The following TRPM6 variants were observed in gnomAD, a reference collection of about 807,000 sequenced individuals.
TRPM6 encodes the protein channel kinase 2.
Under a neutral mutation model 247.6 loss-of-function variants are expected in TRPM6, and 111 were observed. That is an observed-to-expected ratio of 0.45 (90% CI 0.38 to 0.52). The LOEUF (loss-of-function observed/expected upper bound fraction) is 0.52, where lower values mean the gene tolerates loss of function less well. TRPM6 is among the 20% of genes least tolerant of loss of function. The pLI is 0.00. For synonymous variants in TRPM6, 892 were observed against 853.8 expected, an observed-to-expected ratio of 1.04 and a Z score of -0.78; for missense variants, 2,126 against 2,421.5, an observed-to-expected ratio of 0.88 and a Z score of 2.56.
intron 1 of TRPM6, among the ~76,000 whole-genome samples, chr9:74,879,232 A>G (rs1054165727): frequency 2.6e-5 from 4 of 151,706 alleles, no homozygotes; most frequent in Non-Finnish European, 5.9e-5. Flanking sequence ...CAGAAAGAAT[A>G]TGAGCACCTG....
intron 36 of TRPM6, among the ~76,000 whole-genome samples, chr9:74,734,291 T>C (rs543336762): frequency 2.0e-5 from 3 of 152,352 alleles, no homozygotes; most frequent in East Asian, 3.9e-4. Context: ...TAAAATTATA[T>C]AAAATTTGTA....
At chr9:74,746,024 C>T (rs573526075) in intron 31 of TRPM6, among the ~76,000 whole-genome samples, 15 of 152,208 alleles carry the variant, frequency 9.9e-5, no homozygotes, top group Middle Eastern at 3.4e-3. Flanking sequence ...GAGCAGATCA[C>T]GAGGTCAGAA....
At chr9:74,886,942 A>G (rs1831549862) in intron 1 of TRPM6, among the ~76,000 whole-genome samples, 1 of 152,218 alleles carries the variant, frequency 6.6e-6, no homozygotes, top group African/African-American at 2.4e-5. Flanking sequence ...AGCTGCCTGG[A>G]CTATTCCTGA....
chr9:74,770,664 C>G (rs911222000), intron 25 of TRPM6, among the ~76,000 whole-genome samples: 2 of 152,114 alleles, frequency 1.3e-5, no homozygotes, highest in Admixed American at 1.3e-4. Context: ...TCTGCCTTCC[C>G]GTCTACTCTG....
In TRPM6 at chr9:74,873,776, A is replaced by C. The variant is rs545749739; in HGVS notation, c.33+14048T>G. Among the ~76,000 whole-genome samples, 851 of 152,188 alleles carry C rather than the reference A, an allele frequency of 5.6e-3. 5 individuals are homozygous for C. The highest frequency in any genetic ancestry group is 0.019 in the African/African-American group (780 of 41,558). Reference sequence around the variant, plus strand: ...AATTTTTAACTTTTTAACAGAAAAAAATCTTTTAATTTAAAAGATCTTAAA... The same window carrying C: ...AATTTTTAACTTTTTAACAGAAAAACATCTTTTAATTTAAAAGATCTTAAA... On this transcript the variant is annotated intron_variant, in intron 1 of 38. Transcript: ENST00000360774.
At chr9:74,749,396 AGTT>A (rs1274993166) in intron 30 of TRPM6, among the ~76,000 whole-genome samples, 2 of 152,222 alleles carry the variant, frequency 1.3e-5, no homozygotes, top group Non-Finnish European at 2.9e-5. Context: ...ATTGAAAAGC[AGTT>A]GTTGTTTTTT....
chr9:74,808,244 G>T, intron 13 of TRPM6, 70 bp from the exon 14 acceptor site: 1 of 1,589,530 alleles, frequency 6.3e-7, no homozygotes, highest in Non-Finnish European at 8.6e-7. Context: ...CATGCCATTA[G>T]AACATAATCA....
At position 74,762,621 on chromosome 9, in the gene TRPM6, A is replaced by C; in HGVS notation, c.4050T>G (p.Asn1350Lys). Residue 1350 changes from asparagine to lysine, a missense_variant, in exon 26 of 39, where the codon AAT becomes AAG. Asn to Lys is a moderately conservative substitution (Grantham distance 94). Around this residue, in one of 3 missense-constraint regions of TRPM6, gnomAD observed 717 missense variants for 715.9 expected, o/e 1.00. Coordinates refer to ENST00000360774, the MANE Select transcript of TRPM6 (RefSeq NM_017662.5). ...KYGQFLLVPS[N>K]LKRVPFSAET... ...CTGCTGAAAAAGGAACTCGCTTTAGATTAGAGGGGACCAGAAGAAACTGGC... is the reference window on the plus strand; with the variant it reads ...CTGCTGAAAAAGGAACTCGCTTTAGCTTAGAGGGGACCAGAAGAAACTGGC... 6.2e-7 allele frequency: 1 copy of C among 1,614,202 alleles called. No individual in the cohort carries two copies. Among genetic ancestry groups the C allele is most frequent in the Non-Finnish European group, 8.5e-7 (1 of 1,180,040 alleles).
chr9:74,762,248 A>G lies in TRPM6; in HGVS notation c.4423T>C (p.Cys1475Arg). ...TCACTGTCACAAGTGGAGGGCAAGCAGGTTTGCCACTTTTTCTTGATGCTA... is the reference window on the plus strand; with the variant it reads ...TCACTGTCACAAGTGGAGGGCAAGCGGGTTTGCCACTTTTTCTTGATGCTA... The part of the protein sequence containing the change: ...VFSIKKKWQT[C>R]LPSTCDSDSS... Residue 1475 changes from cysteine to arginine, a missense_variant, in exon 26 of 39, where the codon TGC becomes CGC. Cys to Arg is a radical substitution (Grantham distance 180). Transcript: ENST00000360774. 1 of 1,614,196 alleles carries G rather than the reference A, an allele frequency of 6.2e-7. No individual in the cohort carries two copies. Among genetic ancestry groups the G allele is most frequent in the African/African-American group, 1.3e-5 (1 of 75,044 alleles).
At chr9:74,855,337 C>G (rs1830491822) in intron 3 of TRPM6, among the ~76,000 whole-genome samples, 190 bp downstream of exon 3, 1 of 152,194 alleles carries the variant, frequency 6.6e-6, no homozygotes, top group African/African-American at 2.4e-5. Flanking sequence ...TTACATGTCT[C>G]AGTAATTCAA....
At position 74,785,740 on chromosome 9, in the gene TRPM6, T is replaced by G. The variant is rs182030660; in HGVS notation, c.2919+134A>C. 17,653 of 971,214 alleles carry G rather than the reference T, an allele frequency of 0.018. 837 individuals are homozygous for G. The highest frequency in any genetic ancestry group is 0.15 in the African/African-American group (9,015 of 61,540). 60.2% of individuals were successfully genotyped at this position (971,214 alleles called of 1,614,324 possible). ...GGGTTTCACCCTGTTAGCCAGGATG[T>G]TCTTGATCTCCTGACCTTGTGATCC... On this transcript the variant is annotated intron_variant, in intron 21 of 38. Transcript: ENST00000360774.
intron 1 of TRPM6, among the ~76,000 whole-genome samples, chr9:74,874,320 T>C (rs1831125086): frequency 6.6e-6 from 1 of 152,084 alleles, no homozygotes; most frequent in Non-Finnish European, 1.5e-5. Context: ...ACCAAGAATC[T>C]TATGAGTTAA....
chr9:74,751,514 G>T (rs558533943), intron 29 of TRPM6, among the ~76,000 whole-genome samples: 1 of 152,296 alleles, frequency 6.6e-6, no homozygotes, highest in East Asian at 1.9e-4. Flanking sequence ...GAGGTTGTTA[G>T]CCATAAAGGT....
Position 74,761,770 on chromosome 9 carries a change from C to T in TRPM6, c.4711G>A (p.Val1571Ile). ...TCTTTGGTTAGCATTTTCGCTTTGA[C>T]CCATGCTCCCTGCCCTATTTCTGAA... The part of the protein sequence containing the change: ...GSSEIGQGAW[V>I]KAKMLTKDRR... Residue 1571 changes from valine to isoleucine, a missense_variant, in exon 27 of 39, where the codon GTC becomes ATC. Around this residue, in one of 3 missense-constraint regions of TRPM6, gnomAD observed 717 missense variants for 715.9 expected, o/e 1.00. Transcript: ENST00000360774. The T allele has an allele frequency of 1.2e-6, 2 of 1,613,974 alleles. No individual in the cohort carries two copies. Among genetic ancestry groups the T allele is most frequent in the South Asian group, 1.1e-5 (1 of 91,072 alleles).
At chr9:74,794,001 A>T (rs1235162081) in intron 18 of TRPM6, among the ~76,000 whole-genome samples, 1 of 152,182 alleles carries the variant, frequency 6.6e-6, no homozygotes, top group African/African-American at 2.4e-5. Flanking sequence ...AAAGGAAGAG[A>T]AAAGAAAAGA....
chr9:74,747,974 A>G (rs908234186), intron 30 of TRPM6, 60 bp from the exon 31 acceptor site: 2 of 1,500,774 alleles, frequency 1.3e-6, no homozygotes, highest in African/African-American at 1.4e-5. Context: ...ACAGTTATCA[A>G]AAAAAGGAAA....
rs140111822 is a variant in TRPM6 at position 74,862,188 on chromosome 9, G to T, written c.34-3440C>A. On this transcript the variant is annotated intron_variant, in intron 1 of 38. Transcript: ENST00000360774. ...CTTTACTTCCCACCCTGCCAACCTCGTAATAGTTCCTTTGCAATATACTCT... is the reference window on the plus strand; with the variant it reads ...CTTTACTTCCCACCCTGCCAACCTCTTAATAGTTCCTTTGCAATATACTCT... 2.7e-3 allele frequency among the ~76,000 whole-genome samples: 398 copies of T among 149,850 alleles called. 4 individuals are homozygous for T. The highest frequency in any genetic ancestry group is 9.4e-3 in the African/African-American group (384 of 40,658).
At chr9:74,887,252 T>TC in intron 1 of TRPM6, 5 of 1,302,720 alleles carry the variant, frequency 3.8e-6, no homozygotes, top group Non-Finnish European at 4.9e-6. Context: ...CTGTCATCGC[T>TC]CCGGGACTCC....
chr9:74,870,633 C>A (rs1357818868), intron 1 of TRPM6, among the ~76,000 whole-genome samples: 3 of 152,080 alleles, frequency 2.0e-5, no homozygotes, highest in Non-Finnish European at 2.9e-5. Context: ...TAGAAATAGG[C>A]ACTCCACGGG....
Sources: gnomAD v4.1 joint callset for allele counts (sites outside exome capture counted in the v4.1 genomes callset) on GRCh38, gnomAD v4.1.1 for gene constraint, gnomAD v4.1.1 regional missense constraint, MANE v1.5 for transcripts, NCBI Gene and HGNC (gene_info 2026-07-23, HGNC 2026-07-21) for gene names.